GRIN2B: variants seen among roughly 807,000 people sequenced by gnomAD.
GRIN2B encodes glutamate ionotropic receptor NMDA type subunit 2B, also known as glutamate receptor ionotropic, NMDA 2B.
Under a neutral mutation model 114.5 loss-of-function variants are expected in GRIN2B, and 5 were observed. The ratio of observed to expected loss-of-function variants is 0.04; its 90% CI spans 0.02 to 0.09. GRIN2B has a LOEUF of 0.09. Ranked by LOEUF, GRIN2B falls within the 10% of genes least tolerant of loss-of-function variation. The pLI is 1.00. For missense variants in GRIN2B, 1,108 were observed against 1,943.5 expected (o/e 0.57, Z 8.08); for synonymous variants, 787 against 745.1 (o/e 1.06, Z -0.92).
intron 3 of GRIN2B, among the ~76,000 whole-genome samples, chr12:13,787,122 A>G (rs1022528654): frequency 6.6e-6 from 1 of 152,160 alleles, no homozygotes. Context: ...AATAGGCATA[A>G]CTGTTAACTA....
At chr12:13,876,689 T>C (rs1348917614) in intron 2 of GRIN2B, among the ~76,000 whole-genome samples, 1 of 152,196 alleles carries the variant, frequency 6.6e-6, no homozygotes, top group Non-Finnish European at 1.5e-5. Flanking sequence ...GGAATCAATA[T>C]CTTCAATCAC....
chr12:13,815,479 G>T (rs138311578), intron 3 of GRIN2B, among the ~76,000 whole-genome samples: 1 of 152,122 alleles, frequency 6.6e-6, no homozygotes, highest in African/African-American at 2.4e-5. Context: ...GATTTAAAAT[G>T]ATAAAGAGTG....
Position 13,553,230 on chromosome 12 carries a change from A to G in GRIN2B, c.*9553T>C, listed in dbSNP as rs542626328. 6.6e-6 allele frequency: 1 copy of G among 152,344 alleles called. No homozygotes were observed. The highest frequency in any genetic ancestry group is 2.4e-5 in the African/African-American group (1 of 41,562). 9.4% of individuals were successfully genotyped at this position (152,344 alleles called of 1,614,324 possible). ...GAAGGGTTAACAGGGCTTCAAGAAT[A>G]CAGGGACCAGAGGATAAGGGAGGGC... On this transcript the variant is annotated 3_prime_UTR_variant, in exon 14 of 14. Coordinates refer to ENST00000609686, the MANE Select transcript of GRIN2B (RefSeq NM_000834.5).
At chr12:13,687,740 T>G (rs930380640) in intron 4 of GRIN2B, among the ~76,000 whole-genome samples, 1 of 152,192 alleles carries the variant, frequency 6.6e-6, no homozygotes, top group African/African-American at 2.4e-5. Context: ...AAAGGAAGAA[T>G]TAGCTGGCTG....
chr12:13,592,687 TA>T (rs1949024195), intron 10 of GRIN2B, among the ~76,000 whole-genome samples: 1 of 152,150 alleles, frequency 6.6e-6, no homozygotes, highest in Non-Finnish European at 1.5e-5. Context: ...TCTATACCTG[TA>T]CTCCACTTGC....
rs1948388510 is a variant in GRIN2B at position 13,549,845 on chromosome 12, C to A, written c.*12938G>T. ...TCTTCTTGCTCTTTTTGACTTGTCT[C>A]TGTAGATGTATGTGGAGTGTGTGTG... On this transcript the variant is annotated 3_prime_UTR_variant, in exon 14 of 14. Transcript: ENST00000609686. 6.6e-6 allele frequency: 1 copy of A among 152,140 alleles called. No homozygotes were observed. The highest frequency in any genetic ancestry group is 2.4e-5 in the African/African-American group (1 of 41,442). 9.4% of individuals were successfully genotyped at this position (152,140 alleles called of 1,614,324 possible).
In GRIN2B at chr12:13,616,669, T is replaced by C. The variant is rs76777620; in HGVS notation, c.1126-12A>G. Reference sequence around the variant, plus strand: ...TTCCACTTCCCCACCTGCACAAGGATGAACACAAGAATCAGAAACCACTGG... The same window carrying C: ...TTCCACTTCCCCACCTGCACAAGGACGAACACAAGAATCAGAAACCACTGG... On this transcript the variant is annotated splice_polypyrimidine_tract_variant and intron_variant, in intron 5 of 13. Coordinates refer to ENST00000609686, the MANE Select transcript of GRIN2B (RefSeq NM_000834.5). 15,971 of 1,604,228 alleles carry C rather than the reference T, an allele frequency of 1.0e-2. 548 individuals are homozygous for C. The African/African-American group carries it at 0.11, about 11-fold the overall frequency.
intron 3 of GRIN2B, among the ~76,000 whole-genome samples, chr12:13,764,279 C>T (rs1377772046): frequency 6.6e-6 from 1 of 152,178 alleles, no homozygotes; most frequent in Non-Finnish European, 1.5e-5. Flanking sequence ...TGGCCCAGCC[C>T]ATCCCCTCTG....
chr12:13,678,492 A>C (rs1261187002), intron 4 of GRIN2B, among the ~76,000 whole-genome samples: 3 of 152,110 alleles, frequency 2.0e-5, no homozygotes, highest in African/African-American at 7.2e-5. Flanking sequence ...TGATTCTCAT[A>C]TACAACATCA....
At chr12:13,873,497 G>T (rs1242580949) in intron 2 of GRIN2B, among the ~76,000 whole-genome samples, 1 of 152,046 alleles carries the variant, frequency 6.6e-6, no homozygotes, top group Admixed American at 6.6e-5. Flanking sequence ...CACATAAAAG[G>T]CACCAATCTT....
At chr12:13,732,868 G>C (rs1191563611) in intron 4 of GRIN2B, among the ~76,000 whole-genome samples, 4 of 152,208 alleles carry the variant, frequency 2.6e-5, no homozygotes, top group Non-Finnish European at 5.9e-5. Flanking sequence ...ATTAGCTTAA[G>C]TTAATTCACT....
At chr12:13,805,570 A>T (rs220580) in intron 3 of GRIN2B, among the ~76,000 whole-genome samples, 148,696 of 152,244 alleles carry the variant, frequency 0.98, 72,703 homozygotes, top group Middle Eastern at 1. Flanking sequence ...ATTAAAAGTC[A>T]ACAAATATTG....
At chr12:13,758,086 G>GTA (rs1472968797) in intron 3 of GRIN2B, among the ~76,000 whole-genome samples, 21 of 152,288 alleles carry the variant, frequency 1.4e-4, no homozygotes, top group Non-Finnish European at 2.9e-4. Flanking sequence ...AAATGGGACT[G>GTA]AATGACTGGC....
chr12:13,576,066 T>C (rs1948771409), intron 10 of GRIN2B, among the ~76,000 whole-genome samples: 1 of 152,192 alleles, frequency 6.6e-6, no homozygotes, highest in Non-Finnish European at 1.5e-5. Context: ...GGAGAGAACA[T>C]TGCCTCAGAA....
chr12:13,609,817 A>G (rs1444169671), intron 9 of GRIN2B, among the ~76,000 whole-genome samples: 2 of 151,876 alleles, frequency 1.3e-5, no homozygotes, highest in Admixed American at 1.3e-4. Flanking sequence ...AGGGGAAGTC[A>G]TAGAATCCTG....
rs569471564 is a variant in GRIN2B at position 13,870,703 on chromosome 12, G to T, written c.-18-4477C>A. Among the ~76,000 whole-genome samples the T allele has an allele frequency of 7.9e-5, 12 of 152,272 alleles. No homozygotes were observed. In the South Asian group the frequency reaches 2.5e-3, roughly 32 times the overall value. On this transcript the variant is annotated intron_variant, in intron 2 of 13. Transcript: ENST00000609686. ...ACATTATTTGGAGTGATTCAATTAA[G>T]GAGACTATGACTGGAATATGACAGG...
At position 13,865,870 on chromosome 12, in the gene GRIN2B, A is replaced by G; in HGVS notation, c.339T>C (p.Asp113=). 6.2e-7 allele frequency: 1 copy of G among 1,613,946 alleles called. No individual in the cohort carries two copies. The highest frequency in any genetic ancestry group is 8.5e-7 in the Non-Finnish European group (1 of 1,179,964). ...TDQEAIAQIL[D]FISAQTLTPI... The stretch of plus-strand genomic sequence containing the variant: ...GGGTGAGAGTCTGTGCTGAAATGAA[A>G]TCGAGGATCTGGGCGATGGCTTCCT... Residue 113 remains aspartate, a synonymous_variant, in exon 3 of 14, where the codon GAT becomes GAC. Coordinates refer to ENST00000609686, the MANE Select transcript of GRIN2B (RefSeq NM_000834.5).
chr12:13,601,063 T>C (rs754737203), intron 10 of GRIN2B, among the ~76,000 whole-genome samples: 35 of 152,138 alleles, frequency 2.3e-4, no homozygotes, highest in Non-Finnish European at 4.0e-4. Context: ...AGACTGACAA[T>C]GCAAATCGGG....
chr12:13,653,474 C>G (rs1041658477), intron 5 of GRIN2B, among the ~76,000 whole-genome samples: 3 of 151,470 alleles, frequency 2.0e-5, no homozygotes, highest in Non-Finnish European at 4.4e-5. Flanking sequence ...AGATCAAAAA[C>G]GGTACCCTGG....
Sources: gnomAD v4.1 joint callset for allele counts (sites outside exome capture counted in the v4.1 genomes callset) on GRCh38, gnomAD v4.1.1 for gene constraint, MANE v1.5 for transcripts, NCBI Gene and HGNC (gene_info 2026-07-23, HGNC 2026-07-21) for gene names.